Variants in THSD4 observed in about 807,000 individuals in gnomAD.
The protein encoded by THSD4 is thrombospondin type-1 domain-containing protein 4.
Under a neutral mutation model 119.0 loss-of-function variants are expected in THSD4, and 69 were observed. That is an observed-to-expected ratio of 0.58 (90% CI 0.48 to 0.71). The LOEUF (loss-of-function observed/expected upper bound fraction) is 0.71, where lower values mean the gene tolerates loss of function less well. THSD4 is among the 30% of genes least tolerant of loss of function. The pLI is 0.00. For synonymous variants in THSD4, 524 were observed against 540.4 expected, an observed-to-expected ratio of 0.97 and a Z score of 0.42; for missense variants, 1,393 against 1,391.1, an observed-to-expected ratio of 1.00 and a Z score of -0.02.
chr15:71,642,755 T>A (rs11637040), intron 7 of THSD4, among the ~76,000 whole-genome samples: 55,031 of 149,196 alleles, frequency 0.37, 10,859 homozygotes, highest in East Asian at 0.83. Context: ...AACAATGAGA[T>A]CACATGGACA....
At chr15:71,519,209 A>G (rs2048404078) in intron 7 of THSD4, among the ~76,000 whole-genome samples, 1 of 152,146 alleles carries the variant, frequency 6.6e-6, no homozygotes, top group Non-Finnish European at 1.5e-5. Context: ...CATGTCTTTC[A>G]GGAGCAGCAA....
chr15:71,097,454 T>A lies in THSD4; in HGVS notation c.-80+448T>A, dbSNP rs543720308. On this transcript the variant is annotated intron_variant, in intron 1 of 17. Transcript: ENST00000355327. ...GGTGGCGTATGCCTGTGGTCCCAGC[T>A]ACTCCGGAGGCTAAGGTTAGTGGAT... 7.9e-5 allele frequency among the ~76,000 whole-genome samples: 12 copies of A among 151,872 alleles called. No homozygotes were observed. The East Asian group carries it at 2.3e-3, about 30-fold the overall frequency.
intron 7 of THSD4, among the ~76,000 whole-genome samples, chr15:71,439,945 C>T (rs1227868626): frequency 6.6e-6 from 1 of 152,144 alleles, no homozygotes; most frequent in Admixed American, 6.6e-5. Context: ...AGCAAACCAC[C>T]ATGGCATGTG....
Position 71,661,400 on chromosome 15 carries a change from TA to T in THSD4, c.1357+667del, listed in dbSNP as rs66809540. Among the ~76,000 whole-genome samples the T allele has an allele frequency of 5.9e-4, 86 of 146,880 alleles. 1 individual carries two copies. In the South Asian group the frequency reaches 8.2e-3, roughly 14 times the overall value. On this transcript the variant is annotated intron_variant, in intron 8 of 17. Transcript: ENST00000261862. The stretch of plus-strand genomic sequence containing the variant: ...CAATCGAACACATTATTTATTTATT[TA>T]TTTTTTTTTTTTGAGACAGAATCTT...
At chr15:71,328,884 C>T (rs569624640) in intron 6 of THSD4, among the ~76,000 whole-genome samples, 2 of 152,316 alleles carry the variant, frequency 1.3e-5, no homozygotes, top group Non-Finnish European at 2.9e-5. Context: ...CCAAGCTTTG[C>T]GGTTCAAGTG....
intron 7 of THSD4, among the ~76,000 whole-genome samples, chr15:71,614,402 C>G (rs1284303644): frequency 6.6e-6 from 1 of 152,158 alleles, no homozygotes; most frequent in Non-Finnish European, 1.5e-5. Flanking sequence ...TGAGAGGATG[C>G]TAAGTTTTCC....
At chr15:71,640,384 G>A (rs2050834442) in intron 7 of THSD4, among the ~76,000 whole-genome samples, 1 of 152,014 alleles carries the variant, frequency 6.6e-6, no homozygotes, top group African/African-American at 2.4e-5. Context: ...CCTGGCCTAG[G>A]CAAATTTCTA....
intron 6 of THSD4, among the ~76,000 whole-genome samples, chr15:71,404,131 A>G (rs1393544796): frequency 6.6e-6 from 1 of 152,216 alleles, no homozygotes; most frequent in Non-Finnish European, 1.5e-5. Flanking sequence ...GATAAAAGTC[A>G]CCAACTTAGT....
chr15:71,780,451 C>A lies in THSD4; in HGVS notation c.*3077C>A, dbSNP rs1478519954. On this transcript the variant is annotated 3_prime_UTR_variant, in exon 18 of 18. Coordinates refer to ENST00000261862, the MANE Select transcript of THSD4 (RefSeq NM_024817.3). ...CAAAGGACATTTAGTACTATCGATT[C>A]TTTCCACCCTCACGATGACTTGCGG... The A allele has an allele frequency of 4.1e-6, 1 of 245,336 alleles. No homozygotes were observed. The highest frequency in any genetic ancestry group is 2.2e-5 in the African/African-American group (1 of 45,546). The allele number at this position is 245,336 out of a possible 1,614,324, so 15.2% of individuals were successfully genotyped here.
intron 8 of THSD4, among the ~76,000 whole-genome samples, chr15:71,662,709 C>T (rs1202543832): frequency 6.6e-6 from 1 of 152,050 alleles, no homozygotes; most frequent in Non-Finnish European, 1.5e-5. Context: ...GGAGGAAGCT[C>T]TCGGAGGCTT....
chr15:71,378,647 T>A (rs2046183594), intron 6 of THSD4, among the ~76,000 whole-genome samples: 1 of 152,234 alleles, frequency 6.6e-6, no homozygotes, highest in African/African-American at 2.4e-5. Flanking sequence ...ATGCTTTAGT[T>A]TTTTTAGTGG....
chr15:71,587,109 A>G (rs1445591825), intron 7 of THSD4, among the ~76,000 whole-genome samples: 2 of 149,870 alleles, frequency 1.3e-5, no homozygotes, highest in African/African-American at 2.5e-5. Flanking sequence ...CAATCATTAA[A>G]AAGTCAGGAA....
chr15:71,389,260 C>T (rs2046337888), intron 6 of THSD4, among the ~76,000 whole-genome samples: 1 of 152,098 alleles, frequency 6.6e-6, no homozygotes, highest in South Asian at 2.1e-4. Flanking sequence ...ATGAAAACTC[C>T]ATACCCATTA....
chr15:71,153,759 G>A (rs1266303487), intron 2 of THSD4, among the ~76,000 whole-genome samples: 1 of 152,116 alleles, frequency 6.6e-6, no homozygotes, highest in African/African-American at 2.4e-5. Context: ...AAAAAGGTTG[G>A]GAACCACTAT....
At chr15:71,649,179 C>T (rs1216390314) in intron 7 of THSD4, among the ~76,000 whole-genome samples, 1 of 152,194 alleles carries the variant, frequency 6.6e-6, no homozygotes, top group African/African-American at 2.4e-5. Flanking sequence ...CTCCTAGTTT[C>T]TCCTCTCCCT....
intron 6 of THSD4, among the ~76,000 whole-genome samples, chr15:71,298,895 G>A (rs1274284676): frequency 1.3e-5 from 2 of 152,228 alleles, no homozygotes; most frequent in African/African-American, 4.8e-5. Context: ...TTACAGGCGT[G>A]AGCCGTGCAC....
chr15:71,112,319 T>A, upstream of THSD4: 172 of 937,942 alleles, frequency 1.8e-4, no homozygotes, highest in Non-Finnish European at 2.4e-4. Flanking sequence ...TGAAGGGGGG[T>A]ACTATTAATA....
chr15:71,101,526 T>C (rs1398955634), intron 1 of THSD4, among the ~76,000 whole-genome samples: 6 of 152,202 alleles, frequency 3.9e-5, no homozygotes, highest in African/African-American at 1.4e-4. Flanking sequence ...CTTATTTCAT[T>C]ACTATTGTTA....
chr15:71,391,126 T>A (rs2046372350), intron 6 of THSD4, among the ~76,000 whole-genome samples: 1 of 151,754 alleles, frequency 6.6e-6, no homozygotes, highest in Admixed American at 6.6e-5. Context: ...CCTCCCGGGT[T>A]CACACCATTC....
Sources: allele counts gnomAD v4.1 joint callset (sites outside exome capture counted in the v4.1 genomes callset), GRCh38; gene constraint gnomAD v4.1.1; transcripts MANE v1.5; gene names NCBI Gene and HGNC (gene_info 2026-07-23, HGNC 2026-07-21).